Variants in DCT observed in about 807,000 individuals in gnomAD.
The protein encoded by DCT is dopachrome tautomerase.
Under a neutral mutation model 53.0 loss-of-function variants are expected in DCT, and 47 were observed. That is an observed-to-expected ratio of 0.89 (90% CI 0.70 to 1.13). The LOEUF (loss-of-function observed/expected upper bound fraction) is 1.13, where lower values mean the gene tolerates loss of function less well. Among genes scored for constraint, DCT ranks in the 50% most tolerant of loss-of-function variants. The probability of loss-of-function intolerance (pLI) is 0.00; values close to 1 mark genes in which losing one functional copy is unlikely to be tolerated. For missense variants in DCT, 669 were observed against 637.4 expected (o/e 1.05, Z -0.53); for synonymous variants, 244 against 237.0 (o/e 1.03, Z -0.27).
chr13:94,495,236 A>G, the DCT span, among the ~76,000 whole-genome samples: 1 of 152,134 alleles, frequency 6.6e-6, no homozygotes. Context: ...AGTTGGGAAT[A>G]CAGGCATGTG....
At chr13:94,513,942 G>C in the DCT span, among the ~76,000 whole-genome samples, 3 of 132,852 alleles carry the variant, frequency 2.3e-5, no homozygotes, top group African/African-American at 8.9e-5. Flanking sequence ...AGCCAAGATC[G>C]TGCCATTGCA....
chr13:94,501,670 G>C, the DCT span, among the ~76,000 whole-genome samples: 1 of 151,896 alleles, frequency 6.6e-6, no homozygotes, highest in African/African-American at 2.4e-5. Flanking sequence ...AGAGAGGAGA[G>C]AGAGAGAATG....
chr13:94,514,235 G>A, the DCT span, among the ~76,000 whole-genome samples: 3 of 152,036 alleles, frequency 2.0e-5, no homozygotes, highest in Admixed American at 2.0e-4. Context: ...ATGTGATGTC[G>A]TAACAACAGT....
At chr13:94,547,984 A>AAAATATATATATATATATATATAT in the DCT span, among the ~76,000 whole-genome samples, 1 of 65,822 alleles carries the variant, frequency 1.5e-5, no homozygotes, top group African/African-American at 1.3e-4. Context: ...AAAAAAAAAA[A>AAAATATATATATATATATATATAT]ATATATATAT....
chr13:94,539,290 C>G, the DCT span, among the ~76,000 whole-genome samples: 1 of 152,078 alleles, frequency 6.6e-6, no homozygotes. Context: ...TGGATATTAG[C>G]TTAAACTATG....
chr13:94,535,127 A>G, the DCT span, among the ~76,000 whole-genome samples: 1 of 152,264 alleles, frequency 6.6e-6, no homozygotes, highest in Non-Finnish European at 1.5e-5. Context: ...ATGTTCAAAT[A>G]TCTGGCCTTA....
the DCT span, among the ~76,000 whole-genome samples, chr13:94,487,934 C>G: frequency 5.9e-5 from 9 of 151,512 alleles, no homozygotes; most frequent in Non-Finnish European, 1.2e-4. Flanking sequence ...AGAAATGGGA[C>G]GTGTGGTCTG....
intron 6 of DCT, among the ~76,000 whole-genome samples, chr13:94,451,274 T>C (rs985223378): frequency 3.3e-5 from 5 of 152,254 alleles, no homozygotes; most frequent in African/African-American, 4.8e-5. Flanking sequence ...AAGCAATGAC[T>C]ATCATTTCAA....
At chr13:94,458,961 C>T (rs1012469383) in intron 6 of DCT, among the ~76,000 whole-genome samples, 5 of 152,044 alleles carry the variant, frequency 3.3e-5, no homozygotes, top group Admixed American at 6.5e-5. Context: ...ACTGCAGCCT[C>T]GACCTCCCAG....
At chr13:94,495,352 C>A in the DCT span, among the ~76,000 whole-genome samples, 4 of 152,190 alleles carry the variant, frequency 2.6e-5, no homozygotes, top group Admixed American at 2.6e-4. Context: ...TCAGCTCGGC[C>A]TCTCCAAGGG....
chr13:94,518,806 A>G, the DCT span, among the ~76,000 whole-genome samples: 1 of 152,192 alleles, frequency 6.6e-6, no homozygotes, highest in Non-Finnish European at 1.5e-5. Context: ...TCTTCATAGA[A>G]TAATGTCCCA....
rs544038293 is a variant in DCT at position 94,466,483 on chromosome 13, C to T, written c.696+75G>A. ...GTATCAAGATAAGTATATCAAAATT[C>T]ACACTGTATGCCTTAAATATATACA... is the stretch of plus-strand genomic sequence containing the variant. On this transcript the variant is annotated intron_variant, in intron 3 of 7. Coordinates refer to ENST00000377028, the MANE Select transcript of DCT (RefSeq NM_001922.5). 9 of 870,092 alleles carry T rather than the reference C, an allele frequency of 1.0e-5. No homozygotes were observed. In the East Asian group the frequency reaches 1.9e-4, roughly 19 times the overall value. The allele number at this position is 870,092 out of a possible 1,614,324, so 53.9% of individuals were successfully genotyped here.
intron 4 of DCT, among the ~76,000 whole-genome samples, chr13:94,463,937 A>G (rs2139334467): frequency 1.3e-5 from 2 of 152,342 alleles, no homozygotes. Flanking sequence ...CTCCTCTTGA[A>G]AAAGAATACC....
the DCT span, among the ~76,000 whole-genome samples, chr13:94,484,998 C>T: frequency 6.6e-6 from 1 of 152,208 alleles, no homozygotes; most frequent in African/African-American, 2.4e-5. Context: ...CCTAACTACA[C>T]ATTTGGTTGA....
chr13:94,495,170 C>A, the DCT span, among the ~76,000 whole-genome samples: 1 of 151,842 alleles, frequency 6.6e-6, no homozygotes, highest in Non-Finnish European at 1.5e-5. Context: ...AATCTTGGCT[C>A]ACTACAACCT....
chr13:94,474,879 T>C (rs531543434), intron 1 of DCT, among the ~76,000 whole-genome samples: 1 of 152,224 alleles, frequency 6.6e-6, no homozygotes, highest in African/African-American at 2.4e-5. Flanking sequence ...TTCATGATTA[T>C]GGAAACTATG....
At chr13:94,503,970 T>C in the DCT span, among the ~76,000 whole-genome samples, 2 of 152,238 alleles carry the variant, frequency 1.3e-5, no homozygotes, top group African/African-American at 4.8e-5. Context: ...TGGTTGTGCA[T>C]AAGTGAAGTA....
At chr13:94,477,677 T>C (rs1242884364) in intron 1 of DCT, among the ~76,000 whole-genome samples, 4 of 151,264 alleles carry the variant, frequency 2.6e-5, no homozygotes, top group Non-Finnish European at 5.9e-5. Flanking sequence ...AAAAATCGAA[T>C]GTCATTCCTA....
At chr13:94,548,844 T>C in the DCT span, among the ~76,000 whole-genome samples, 1 of 152,180 alleles carries the variant, frequency 6.6e-6, no homozygotes, top group Non-Finnish European at 1.5e-5. Context: ...AGGCCTCTTT[T>C]AGAAACAGAA....
Sources: gnomAD v4.1 joint callset for allele counts (sites outside exome capture counted in the v4.1 genomes callset) on GRCh38, gnomAD v4.1.1 for gene constraint, MANE v1.5 for transcripts, NCBI Gene and HGNC (gene_info 2026-07-23, HGNC 2026-07-21) for gene names.